The following RAB3C variants were observed in gnomAD, a reference collection of about 807,000 sequenced individuals.
RAB3C encodes the protein RAB3C, member RAS oncogene family.
In RAB3C, 17 loss-of-function variants were observed where a neutral mutation model predicts 26.4. The observed-to-expected ratio is 0.64, with a 90% CI of 0.44 to 0.97. The LOEUF (loss-of-function observed/expected upper bound fraction) is 0.97, where lower values mean the gene tolerates loss of function less well. Ranked by LOEUF, RAB3C falls within the 50% of genes least tolerant of loss-of-function variation. RAB3C has a pLI of 0.00. For missense variants in RAB3C, 242 were observed against 281.9 expected, an observed-to-expected ratio of 0.86 and a Z score of 1.01; for synonymous variants, 91 against 95.9, an observed-to-expected ratio of 0.95 and a Z score of 0.30.
chr5:58,843,496 T>C (rs1238231662), intron 4 of RAB3C, among the ~76,000 whole-genome samples: 1 of 152,216 alleles, frequency 6.6e-6, no homozygotes, highest in Non-Finnish European at 1.5e-5. Flanking sequence ...AAAAACTCTT[T>C]TAAAACACTT....
chr5:58,663,742 G>A (rs1370878095), intron 2 of RAB3C, among the ~76,000 whole-genome samples: 2 of 152,044 alleles, frequency 1.3e-5, no homozygotes, highest in African/African-American at 4.8e-5. Flanking sequence ...TAGAATGGAT[G>A]CAGTAGAAAA....
rs112218922 is a variant in RAB3C at position 58,664,818 on chromosome 5, C to T, written c.252+46948C>T. Among the ~76,000 whole-genome samples the T allele has an allele frequency of 1.1e-4, 17 of 152,194 alleles. No homozygotes were observed. The South Asian group carries it at 3.3e-3, about 30-fold the overall frequency. ...AACTCCTCAATGTTGCCTAATAGGA[C>T]TTGCAGGAGCTGGCTCCTGACGTCC... On this transcript the variant is annotated intron_variant, in intron 2 of 4. Transcript: ENST00000282878.
At chr5:58,749,225 A>G (rs1438576294) in intron 3 of RAB3C, among the ~76,000 whole-genome samples, 1 of 152,200 alleles carries the variant, frequency 6.6e-6, no homozygotes, top group Non-Finnish European at 1.5e-5. Context: ...ATGTATTCTT[A>G]TAGTCTGCCC....
chr5:58,747,652 G>T (rs1741428314), intron 3 of RAB3C, among the ~76,000 whole-genome samples: 1 of 151,752 alleles, frequency 6.6e-6, no homozygotes, highest in Non-Finnish European at 1.5e-5. Flanking sequence ...GCACAATATG[G>T]ATTCATTGCT....
chr5:58,622,606 G>T (rs937705377), intron 2 of RAB3C, among the ~76,000 whole-genome samples: 1 of 152,112 alleles, frequency 6.6e-6, no homozygotes, highest in South Asian at 2.1e-4. Context: ...GTCAGGAAAA[G>T]ATCTGACAGA....
rs1740882703 is a variant in RAB3C, at chr5:58,726,055, A to C, written c.306A>C (p.Gly102=). The change falls in exon 3 of 5, where the codon GGA becomes GGC. Residue 102 remains glycine (G), a synonymous_variant. Coordinates refer to ENST00000282878, the MANE Select transcript of RAB3C (RefSeq NM_138453.4). The part of the protein sequence containing the change: ...YRTITTAYYR[G]AMGFILMYDI... ...CTATCACCACAGCCTATTATCGTGG[A>C]GCCATGGGCTTTATTTTAATGTATG... 6.2e-7 allele frequency: 1 copy of C among 1,608,180 alleles called. No homozygotes were observed. Among genetic ancestry groups the C allele is most frequent in the African/African-American group, 1.3e-5 (1 of 74,628 alleles).
chr5:58,853,930 ATGG>A lies in RAB3C; in HGVS notation c.*2583_*2585del, dbSNP rs1387368448. 2 of 152,020 alleles carry A rather than the reference ATGG, an allele frequency of 1.3e-5. No individual in the cohort carries two copies. The highest frequency in any genetic ancestry group is 2.9e-5 in the Non-Finnish European group (2 of 67,988). 9.4% of individuals were successfully genotyped at this position (152,020 alleles called of 1,614,324 possible). A position where few individuals can be genotyped will look rare whatever the true frequency, so the allele number is the denominator to read the frequency against. Reference sequence around the variant, plus strand: ...CGGGTTTTAACATCAAATTTGGCAAATGGTGGGACCAACCCAAGGTTAACTAAG... The same window carrying A: ...CGGGTTTTAACATCAAATTTGGCAAATGGGACCAACCCAAGGTTAACTAAG... On this transcript the variant is annotated 3_prime_UTR_variant, in exon 5 of 5. Coordinates refer to ENST00000282878, the MANE Select transcript of RAB3C (RefSeq NM_138453.4).
chr5:58,802,161 C>T (rs1742823021), intron 3 of RAB3C, among the ~76,000 whole-genome samples: 1 of 152,084 alleles, frequency 6.6e-6, no homozygotes, highest in Admixed American at 6.5e-5. Context: ...AGTTAGAAAA[C>T]TGCATTTAGT....
intron 2 of RAB3C, among the ~76,000 whole-genome samples, chr5:58,685,036 G>A (rs1748415596): frequency 6.6e-6 from 1 of 152,114 alleles, no homozygotes; most frequent in Admixed American, 6.6e-5. Context: ...TACTTAAAAA[G>A]AGAAATCCTT....
intron 2 of RAB3C, among the ~76,000 whole-genome samples, chr5:58,657,660 T>C (rs760932495): frequency 1.3e-5 from 2 of 152,130 alleles, no homozygotes; most frequent in South Asian, 2.1e-4. Flanking sequence ...TAATAGGCCT[T>C]ATATATAGGC....
intron 3 of RAB3C, chr5:58,794,366 A>T (rs944131337): frequency 6.6e-5 from 10 of 152,004 alleles, no homozygotes; most frequent in African/African-American, 2.2e-4. Context: ...CAAAACACAG[A>T]AGCTTGTGGG....
intron 2 of RAB3C, 41 bp downstream of exon 2, chr5:58,617,911 G>A (rs1274949878): frequency 3.1e-6 from 4 of 1,280,888 alleles, no homozygotes; most frequent in Non-Finnish European, 4.5e-6. Context: ...AGGCTGGGGT[G>A]TTGAACATAT....
intron 3 of RAB3C, among the ~76,000 whole-genome samples, chr5:58,808,145 A>C (rs548694075): frequency 6.7e-6 from 1 of 149,812 alleles, no homozygotes; most frequent in Admixed American, 6.6e-5. Flanking sequence ...GAATGTCGTG[A>C]ACCTGGGAGG....
chr5:58,842,548 C>T (rs1189071147), intron 4 of RAB3C, among the ~76,000 whole-genome samples: 1 of 152,188 alleles, frequency 6.6e-6, no homozygotes, highest in African/African-American at 2.4e-5. Flanking sequence ...CCTATTGTCT[C>T]TATTTTACCC....
chr5:58,664,293 A>G (rs1381715484), intron 2 of RAB3C, among the ~76,000 whole-genome samples: 1 of 152,226 alleles, frequency 6.6e-6, no homozygotes, highest in East Asian at 1.9e-4. Context: ...TGAGCGATAA[A>G]GAGAAATGCA....
intron 3 of RAB3C, among the ~76,000 whole-genome samples, chr5:58,737,445 AT>A (rs1561305271): frequency 0.035 from 1,198 of 34,114 alleles, 171 homozygotes; most frequent in Middle Eastern, 0.065. Flanking sequence ...ATATATATAT[AT>A]ATAATTTACT....
chr5:58,726,167 GT>G, intron 3 of RAB3C, 47 bp downstream of exon 3: 1 of 955,710 alleles, frequency 1.0e-6, no homozygotes, highest in South Asian at 1.6e-5. Context: ...TGGTTCTCCG[GT>G]CAACTCTGTC....
At chr5:58,655,789 C>CTTTTTTT (rs34352086) in intron 2 of RAB3C, among the ~76,000 whole-genome samples, 15 of 91,644 alleles carry the variant, frequency 1.6e-4, no homozygotes, top group Admixed American at 2.8e-4. Context: ...AAACCTAACT[C>CTTTTTTT]TTTTTTTTTT....
chr5:58,639,514 G>A (rs1747366722), intron 2 of RAB3C, among the ~76,000 whole-genome samples: 1 of 152,132 alleles, frequency 6.6e-6, no homozygotes, highest in Non-Finnish European at 1.5e-5. Flanking sequence ...GTCCTCACAT[G>A]GCAGAGAGAG....
Sources: gnomAD v4.1 joint callset for allele counts (sites outside exome capture counted in the v4.1 genomes callset) on GRCh38, gnomAD v4.1.1 for gene constraint, MANE v1.5 for transcripts, NCBI Gene and HGNC (gene_info 2026-07-23, HGNC 2026-07-21) for gene names.